The following WDR64 variants were observed in gnomAD, a reference collection of about 807,000 sequenced individuals.
WDR64 encodes the protein WD repeat domain 64.
A neutral mutation model predicts 139.3 loss-of-function variants in WDR64; 112 were observed. The ratio of observed to expected loss-of-function variants is 0.80; its 90% CI spans 0.69 to 0.94. WDR64 has a LOEUF of 0.94. Among genes scored for constraint, WDR64 ranks in the 40% least tolerant of loss-of-function variants. The pLI, the probability that WDR64 is intolerant of heterozygous loss-of-function variation, is 0.00. For synonymous variants in WDR64, 444 were observed against 437.7 expected (o/e 1.01, Z -0.18); for missense variants, 1,206 against 1,293.1 (o/e 0.93, Z 1.03).
chr1:241,728,429 A>G lies in WDR64; in HGVS notation c.1194+4993A>G, dbSNP rs188898750. 9.5e-3 allele frequency among the ~76,000 whole-genome samples: 1,449 copies of G among 151,776 alleles called. 13 individuals carry two copies. Among genetic ancestry groups the G allele is most frequent in the African/African-American group, 0.033 (1,376 of 41,354 alleles). On this transcript the variant is annotated intron_variant, in intron 10 of 27. Coordinates refer to ENST00000437684, the MANE Select transcript of WDR64 (RefSeq NM_001367482.1). ...TTATTATTTACAGAAAAGGGAACAGACAACATCCCTTCAAACTCTTTCATA... is the reference window on the plus strand; with the variant it reads ...TTATTATTTACAGAAAAGGGAACAGGCAACATCCCTTCAAACTCTTTCATA...
chr1:241,696,815 G>A (rs926242591), intron 8 of WDR64, among the ~76,000 whole-genome samples: 1 of 152,040 alleles, frequency 6.6e-6, no homozygotes, highest in African/African-American at 2.4e-5. Flanking sequence ...AAGGTCTTTG[G>A]GACCTGTATC....
At chr1:241,739,835 A>G (rs1395922002) in intron 11 of WDR64, among the ~76,000 whole-genome samples, 2 of 152,256 alleles carry the variant, frequency 1.3e-5, no homozygotes, top group Admixed American at 1.3e-4. Context: ...TGAACTTGAC[A>G]TCAGAATTAC....
intron 13 of WDR64, among the ~76,000 whole-genome samples, chr1:241,748,662 G>A (rs1018604765): frequency 6.6e-6 from 1 of 152,212 alleles, no homozygotes; most frequent in African/African-American, 2.4e-5. Context: ...ACACTTGGCC[G>A]GGCACGGTGG....
At position 241,679,531 on chromosome 1, in the gene WDR64, G is replaced by A. The variant is rs1666690992; in HGVS notation, c.560G>A (p.Arg187Gln). ...TGCDYLLQLK[R>Q]IVATTERTII... ...TGTGATTACCTCTTGCAGCTGAAAC[G>A]AATCGTAGCCACAACCGAAAGGACC... Residue 187 changes from arginine (R) to glutamine (Q), a missense_variant, in exon 6 of 28, where the codon CGA (arginine) becomes CAA (glutamine). Arg to Gln is a conservative substitution (Grantham distance 43). Coordinates refer to ENST00000437684, the MANE Select transcript of WDR64 (RefSeq NM_001367482.1). 3 of 1,551,558 alleles carry A rather than the reference G, an allele frequency of 1.9e-6. No individual in the cohort carries two copies. Among genetic ancestry groups the A allele is most frequent in the Non-Finnish European group, 2.6e-6 (3 of 1,146,886 alleles).
At chr1:241,793,038 T>C (rs552745539) in intron 25 of WDR64, among the ~76,000 whole-genome samples, 11 of 152,312 alleles carry the variant, frequency 7.2e-5, no homozygotes, top group Non-Finnish European at 8.8e-5. Flanking sequence ...TGGAATACTA[T>C]AGACCTGTGA....
intron 9 of WDR64, among the ~76,000 whole-genome samples, chr1:241,713,444 AGAAAGGAAG>A (rs1278918365): frequency 3.3e-5 from 4 of 120,096 alleles, no homozygotes; most frequent in Non-Finnish European, 7.3e-5. Flanking sequence ...AGGGAAGGAA[AGAAAGGAAG>A]GAAAGGAAGG....
At chr1:241,779,960 A>T in intron 21 of WDR64, 44 bp from the exon 22 acceptor site, 1 of 1,433,494 alleles carries the variant, frequency 7.0e-7, no homozygotes, top group Non-Finnish European at 9.6e-7. Flanking sequence ...GATTTAGATA[A>T]CATGATATCT....
chr1:241,673,851 T>A (rs1431709298), intron 3 of WDR64, among the ~76,000 whole-genome samples: 2 of 152,208 alleles, frequency 1.3e-5, no homozygotes, highest in Non-Finnish European at 2.9e-5. Context: ...CACATTTTTT[T>A]AAGTCTTAAT....
chr1:241,746,159 G>A (rs569286685), intron 13 of WDR64, among the ~76,000 whole-genome samples: 1 of 152,278 alleles, frequency 6.6e-6, no homozygotes, highest in African/African-American at 2.4e-5. Flanking sequence ...TACTGGGGGT[G>A]TGAGTGTTGC....
intron 5 of WDR64, among the ~76,000 whole-genome samples, chr1:241,679,156 A>G (rs1558468420): frequency 6.6e-6 from 1 of 152,174 alleles, no homozygotes; most frequent in Non-Finnish European, 1.5e-5. Context: ...CCCTAAATCT[A>G]GTCTCCTACT....
intron 16 of WDR64, among the ~76,000 whole-genome samples, chr1:241,767,211 T>C (rs183010218): frequency 6.6e-6 from 1 of 152,254 alleles, no homozygotes; most frequent in African/African-American, 2.4e-5. Context: ...CCTCAACACG[T>C]CTGATTTATT....
chr1:241,658,980 T>G (rs1427643998), intron 1 of WDR64, among the ~76,000 whole-genome samples: 1 of 152,044 alleles, frequency 6.6e-6, no homozygotes, highest in African/African-American at 2.4e-5. Context: ...GCCATGGTAG[T>G]TTGCTGCACA....
chr1:241,753,691 A>G (rs1160602665), intron 14 of WDR64, among the ~76,000 whole-genome samples: 2 of 152,156 alleles, frequency 1.3e-5, no homozygotes, highest in Non-Finnish European at 2.9e-5. Context: ...GCGACAGAGC[A>G]AGGCACTGTC....
intron 23 of WDR64, among the ~76,000 whole-genome samples, chr1:241,787,397 G>C (rs1659078840): frequency 6.6e-6 from 1 of 151,280 alleles, no homozygotes; most frequent in East Asian, 2.0e-4. Context: ...GGACATGGTG[G>C]CTCATGCCTA....
intron 12 of WDR64, among the ~76,000 whole-genome samples, chr1:241,743,758 G>A (rs1669643260): frequency 6.6e-6 from 1 of 152,164 alleles, no homozygotes; most frequent in South Asian, 2.1e-4. Context: ...AGATAATGAT[G>A]ACTCTTGAGT....
rs561444859 is a variant in WDR64 at position 241,677,252 on chromosome 1, T to C, written c.484-935T>C. The C allele has an allele frequency of 9.8e-5, 39 of 397,936 alleles. No individual in the cohort carries two copies. The South Asian group carries it at 1.3e-3, about 14-fold the overall frequency. 24.7% of individuals were successfully genotyped at this position (397,936 alleles called of 1,614,324 possible). On this transcript the variant is annotated intron_variant, in intron 4 of 27. Transcript: ENST00000437684. ...AAACAGGTGACTTCCATTAAAGATA[T>C]ATATAGAGAAAGAGAAACAGAAACC...
intron 8 of WDR64, among the ~76,000 whole-genome samples, chr1:241,696,684 C>T (rs190051798): frequency 1.3e-5 from 2 of 152,180 alleles, no homozygotes; most frequent in Admixed American, 1.3e-4. Context: ...TGTCTCTTAG[C>T]CTGCTACTGC....
intron 7 of WDR64, 56 bp downstream of exon 7, chr1:241,683,757 T>C (rs1666908189): frequency 8.3e-6 from 11 of 1,332,604 alleles, no homozygotes; most frequent in Non-Finnish European, 9.0e-6. Context: ...CTTTTGCAAG[T>C]AAGCTTTATG....
rs146733889 is a variant in WDR64, at chr1:241,768,692, G to A, written c.2082-712G>A. ...GAAACAGGGGAAATTTTGCTGTAAGGTCTATTTGCTATAATGAATGTTAAA... is the reference window on the plus strand; with the variant it reads ...GAAACAGGGGAAATTTTGCTGTAAGATCTATTTGCTATAATGAATGTTAAA... On this transcript the variant is annotated intron_variant, in intron 16 of 27. Transcript: ENST00000437684. Among the ~76,000 whole-genome samples the A allele has an allele frequency of 2.6e-5, 4 of 152,228 alleles. No homozygotes were observed. The East Asian group carries it at 5.8e-4, about 22-fold the overall frequency.
Sources: gnomAD v4.1 joint callset for allele counts (sites outside exome capture counted in the v4.1 genomes callset) on GRCh38, gnomAD v4.1.1 for gene constraint, MANE v1.5 for transcripts, NCBI Gene and HGNC (gene_info 2026-07-23, HGNC 2026-07-21) for gene names.